Variants in MYO9A observed in about 807,000 individuals in gnomAD.
MYO9A encodes unconventional myosin-IXa.
In MYO9A, 103 loss-of-function variants were observed where a neutral mutation model predicts 293.3. The ratio of observed to expected loss-of-function variants is 0.35; its 90% CI spans 0.30 to 0.41. The LOEUF (loss-of-function observed/expected upper bound fraction) is 0.41. Ranked by LOEUF, MYO9A falls within the 10% of genes least tolerant of loss-of-function variation. The probability of loss-of-function intolerance (pLI) is 1.00; values close to 1 mark genes in which losing one functional copy is unlikely to be tolerated. For synonymous variants in MYO9A, 1,001 were observed against 1,035.7 expected (o/e 0.97, Z 0.64); for missense variants, 2,685 against 3,033.0 (o/e 0.89, Z 2.69).
At chr15:71,906,754 C>CTTTTTTTTTT (rs1246782944) in intron 19 of MYO9A, among the ~76,000 whole-genome samples, 2 of 40,938 alleles carry the variant, frequency 4.9e-5, no homozygotes, top group Non-Finnish European at 1.2e-4. Context: ...ATATCCATTT[C>CTTTTTTTTTT]TTTCTTTTTT....
At chr15:71,947,448 C>T (rs71395051) in intron 15 of MYO9A, among the ~76,000 whole-genome samples, 29,700 of 151,966 alleles carry the variant, frequency 0.2, 3,167 homozygotes, top group East Asian at 0.41. Flanking sequence ...CTAAGTACTT[C>T]TTTATTTATA....
chr15:72,111,158 CAA>C (rs1271617538), intron 1 of MYO9A, among the ~76,000 whole-genome samples: 2 of 102,292 alleles, frequency 2.0e-5, no homozygotes, highest in Non-Finnish European at 2.0e-5. Flanking sequence ...GACTCCATCT[CAA>C]AAAAAAAAAA....
intron 15 of MYO9A, among the ~76,000 whole-genome samples, chr15:71,943,557 T>A (rs1329005680): frequency 6.6e-6 from 1 of 152,118 alleles, no homozygotes; most frequent in East Asian, 1.9e-4. Flanking sequence ...ATTTCAAAGT[T>A]AAACATATAT....
At chr15:71,901,143 G>A (rs779936523) in intron 23 of MYO9A, 48 bp downstream of exon 23, 1 of 1,555,518 alleles carries the variant, frequency 6.4e-7, no homozygotes. Context: ...ACTAAACAAA[G>A]GCCAAATAAA....
At chr15:72,005,172 C>G (rs544188661) in intron 8 of MYO9A, among the ~76,000 whole-genome samples, 1 of 152,302 alleles carries the variant, frequency 6.6e-6, no homozygotes, top group African/African-American at 2.4e-5. Context: ...AGCCCTAGAA[C>G]CAATCCAAAC....
chr15:71,826,878 A>G lies in MYO9A; in HGVS notation c.7349T>C (p.Leu2450Pro), dbSNP rs1458316660. 2 of 1,614,014 alleles carry G rather than the reference A, an allele frequency of 1.2e-6. No individual in the cohort carries two copies. The highest frequency in any genetic ancestry group is 1.7e-6 in the Non-Finnish European group (2 of 1,180,018). ...TGGAGATTTGGAATAAATCTGAAAT[A>G]GTTTTCTGGTCCCATGAGATGATGC... ...NTASSHGTRK[L>P]FQIYSKSPFY... The change falls in exon 42 of 42, where the codon CTA (leucine) becomes CCA (proline). Residue 2450 changes from leucine to proline, a missense_variant. By Grantham distance (98) the Leu-to-Pro change is moderately conservative. Transcript: ENST00000356056.
Position 71,852,134 on chromosome 15 carries a change from A to G in MYO9A, c.6473T>C (p.Met2158Thr), listed in dbSNP as rs763319970. The G allele has an allele frequency of 5.0e-6, 8 of 1,611,546 alleles. No individual in the cohort carries two copies. The highest frequency in any genetic ancestry group is 2.2e-5 in the East Asian group (1 of 44,834). The change falls in exon 36 of 42, where the codon ATG (methionine) becomes ACG (threonine). Residue 2158 changes from methionine (M) to threonine (T), a missense_variant and splice_region_variant. By Grantham distance (81) the Met-to-Thr change is moderately conservative (BLOSUM62 -1). Coordinates refer to ENST00000356056, the MANE Select transcript of MYO9A (RefSeq NM_006901.4). ...TAACCCAGGAAGCCTATGCTTACCC[A>G]TAGCTCGAAGAAATTCCTCATAGAG... ...FELYEEFLRA[M>T]GLQERKETIR...
Position 71,859,778 on chromosome 15 carries a change from T to C in MYO9A, c.6110A>G (p.His2037Arg). ...SVCKLCKYAC[H>R]KKCCLKTTAK... ...TGTGGTTTTCAGACAGCACTTCTTA[T>C]GGCAAGCATACTTGCATACTGAAAA... Residue 2037 changes from histidine (H) to arginine (R), a missense_variant, in exon 34 of 42, where the codon CAT (histidine) becomes CGT (arginine). His to Arg is a conservative substitution (Grantham distance 29). Around this residue, in one of 10 missense-constraint regions of MYO9A, gnomAD observed 238 missense variants for 269.1 expected, o/e 0.88. Coordinates refer to ENST00000356056, the MANE Select transcript of MYO9A (RefSeq NM_006901.4). The C allele has an allele frequency of 6.2e-7, 1 of 1,613,454 alleles. No individual in the cohort carries two copies. The highest frequency in any genetic ancestry group is 8.5e-7 in the Non-Finnish European group (1 of 1,179,668).
intron 12 of MYO9A, among the ~76,000 whole-genome samples, chr15:71,970,816 T>C (rs762005467): frequency 6.6e-6 from 1 of 152,132 alleles, no homozygotes; most frequent in Non-Finnish European, 1.5e-5. Context: ...CTCCCTGATA[T>C]TTATGGCCAC....
At chr15:72,042,183 CAAAA>C (rs769890860) in intron 2 of MYO9A, among the ~76,000 whole-genome samples, 1 of 55,352 alleles carries the variant, frequency 1.8e-5, no homozygotes, top group Non-Finnish European at 3.9e-5. Context: ...AGATAGAATG[CAAAA>C]AAAAAAAAAA....
chr15:71,831,621 A>T lies in MYO9A; in HGVS notation c.6838-1310T>A, dbSNP rs534201085. ...ATGGTCCAGAAAATTCTAATCCCTA[A>T]AAATGAATTAATCTCAGATTGCTAA... On this transcript the variant is annotated intron_variant, in intron 39 of 41. Coordinates refer to ENST00000356056, the MANE Select transcript of MYO9A (RefSeq NM_006901.4). Among the ~76,000 whole-genome samples, 30 of 152,358 alleles carry T rather than the reference A, an allele frequency of 2.0e-4. 1 individual carries two copies. The highest frequency in any genetic ancestry group is 1.6e-3 in the Admixed American group (24 of 15,310).
At chr15:71,873,145 G>A (rs1422152671) in intron 32 of MYO9A, among the ~76,000 whole-genome samples, 2 of 151,358 alleles carry the variant, frequency 1.3e-5, no homozygotes, top group Non-Finnish European at 2.9e-5. Flanking sequence ...TCGAACTCCC[G>A]ACCTCAGGTG....
rs77901240 is a variant in MYO9A, at chr15:72,096,771, C to T, written c.-72+20909G>A. Among the ~76,000 whole-genome samples, 21 of 152,252 alleles carry T rather than the reference C, an allele frequency of 1.4e-4. 1 individual carries two copies. In the East Asian group the frequency reaches 3.9e-3, roughly 28 times the overall value. Reference sequence around the variant, plus strand: ...GGTGCCATTAAGAACATTCATGACTCGTGGGAAGAGGTCAACATAACATTA... The same window carrying T: ...GGTGCCATTAAGAACATTCATGACTTGTGGGAAGAGGTCAACATAACATTA... On this transcript the variant is annotated intron_variant, in intron 1 of 41. Coordinates refer to ENST00000356056, the MANE Select transcript of MYO9A (RefSeq NM_006901.4).
intron 10 of MYO9A, chr15:71,993,690 C>T (rs568530011): frequency 1.3e-5 from 2 of 152,300 alleles, no homozygotes; most frequent in Admixed American, 1.3e-4. Flanking sequence ...TAGCAATCGG[C>T]AGGGCACGGT....
chr15:72,081,600 G>A (rs765576201), intron 1 of MYO9A, among the ~76,000 whole-genome samples: 48 of 152,144 alleles, frequency 3.2e-4, no homozygotes, highest in Non-Finnish European at 7.3e-5. Flanking sequence ...TGGTGTCTTC[G>A]TCATAAAATC....
intron 1 of MYO9A, among the ~76,000 whole-genome samples, chr15:72,050,601 C>A (rs141146996): frequency 6.6e-6 from 1 of 151,778 alleles, no homozygotes; most frequent in African/African-American, 2.4e-5. Flanking sequence ...AGCAAGACTC[C>A]GTCTCTAAAT....
At chr15:71,977,973 G>T (rs1382832626) in intron 12 of MYO9A, among the ~76,000 whole-genome samples, 198 bp downstream of exon 12, 1 of 152,112 alleles carries the variant, frequency 6.6e-6, no homozygotes. Flanking sequence ...GGAGGTGGAG[G>T]TTGCAATGAG....
chr15:72,019,018 T>G (rs1383051597), intron 6 of MYO9A, 21 bp downstream of exon 6: 1 of 1,605,270 alleles, frequency 6.2e-7, no homozygotes, highest in Non-Finnish European at 8.5e-7. Context: ...AAACACAGAA[T>G]ATTTAGGTAC....
chr15:71,934,177 T>C (rs2058561033), intron 17 of MYO9A, among the ~76,000 whole-genome samples: 1 of 152,106 alleles, frequency 6.6e-6, no homozygotes, highest in South Asian at 2.1e-4. Context: ...CAAACCTCAA[T>C]ACCATACTTA....
Sources: allele counts gnomAD v4.1 joint callset (sites outside exome capture counted in the v4.1 genomes callset), GRCh38; gene constraint gnomAD v4.1.1; regional missense constraint gnomAD v4.1.1; transcripts MANE v1.5; gene names NCBI Gene and HGNC (gene_info 2026-07-23, HGNC 2026-07-21).